ZER1: variants seen among roughly 807,000 people sequenced by gnomAD.
The protein encoded by ZER1 is protein zer-1 homolog.
A neutral mutation model predicts 78.8 loss-of-function variants in ZER1; 11 were observed. That is an observed-to-expected ratio of 0.14 (90% confidence interval 0.09 to 0.23). The LOEUF (loss-of-function observed/expected upper bound fraction) is 0.23. ZER1 is among the 10% of genes least tolerant of loss of function. The pLI, the probability that ZER1 is intolerant of heterozygous loss-of-function variation, is 1.00. For missense variants in ZER1, 588 were observed against 996.9 expected, an observed-to-expected ratio of 0.59 and a Z score of 5.52; for synonymous variants, 400 against 407.0, an observed-to-expected ratio of 0.98 and a Z score of 0.21.
rs192455887 is a variant in ZER1, at chr9:128,752,297, C to T, written c.923+376G>A. 5.1e-3 allele frequency among the ~76,000 whole-genome samples: 774 copies of T among 151,774 alleles called. 3 individuals are homozygous for T. The highest frequency in any genetic ancestry group is 7.9e-3 in the Non-Finnish European group (540 of 67,962). ...TTTATCTCTAGCACCCAGCACAGCA[C>T]TTGGCAGAGGGGTACTTGGCAAATA... On this transcript the variant is annotated intron_variant, in intron 5 of 15. Coordinates refer to ENST00000291900, the MANE Select transcript of ZER1 (RefSeq NM_006336.4).
rs1010850303 is a variant in ZER1 at position 128,740,949 on chromosome 9, T to C, written c.1738-62A>G. On this transcript the variant is annotated intron_variant, in intron 11 of 15. Coordinates refer to ENST00000291900, the MANE Select transcript of ZER1 (RefSeq NM_006336.4). This position sits in a 1 kb window ranked among gnomAD's most constrained non-coding sequence, Gnocchi z 4.4. ...TACTTAATGACTTAGTATCTGGTATTGTTAACCAAAAAGCTTCATGGGCAT... is the reference window on the plus strand; with the variant it reads ...TACTTAATGACTTAGTATCTGGTATCGTTAACCAAAAAGCTTCATGGGCAT... 9 of 758,696 alleles carry C rather than the reference T, an allele frequency of 1.2e-5. No homozygotes were observed. Among genetic ancestry groups the C allele is most frequent in the South Asian group, 2.7e-5 (2 of 72,914 alleles). 47.0% of individuals were successfully genotyped at this position (758,696 alleles called of 1,614,324 possible).
At chr9:128,771,010 A>G (rs1469187180) in intron 1 of ZER1, among the ~76,000 whole-genome samples, 1 of 152,164 alleles carries the variant, frequency 6.6e-6, no homozygotes, top group Non-Finnish European at 1.5e-5. Context: ...TCTCTATTTA[A>G]AGAAAAACAA....
chr9:128,741,790 CTT>C lies in ZER1; in HGVS notation c.1617+8_1617+9del, dbSNP rs1564395605. ...AAAGGGTAGCGTGGCTTCGTGAAGA[CTT>C]GACTTACTGTCTTGTCCAGCAGCTT... On this transcript the variant is annotated splice_region_variant and intron_variant, in intron 10 of 15. Transcript: ENST00000291900. The C allele has an allele frequency of 6.2e-7, 1 of 1,614,190 alleles. No homozygotes were observed. The highest frequency in any genetic ancestry group is 1.3e-5 in the African/African-American group (1 of 75,042).
chr9:128,751,154 C>T lies in ZER1; in HGVS notation c.1153G>A (p.Glu385Lys), dbSNP rs1363643242. The change falls in exon 7 of 16, where the codon GAG (glutamate) becomes AAG (lysine). Residue 385 changes from glutamate to lysine, a missense_variant. Around this residue, in one of 3 missense-constraint regions of ZER1, gnomAD observed 406 missense variants for 660.1 expected, o/e 0.62. Transcript: ENST00000291900. This position sits in a 1 kb window ranked among gnomAD's most constrained non-coding sequence, Gnocchi z 5.4. ...GCCCGCAGCAGCTGGTTGCAACGCT[C>T]GATGCGGGCGATGTCAAAAAGCAAG... ...INLLFDIARI[E>K]RCNQLLRALK... 4 of 1,601,376 alleles carry T rather than the reference C, an allele frequency of 2.5e-6. No individual in the cohort carries two copies. The highest frequency in any genetic ancestry group is 1.1e-5 in the South Asian group (1 of 90,202).
intron 8 of ZER1, among the ~76,000 whole-genome samples, chr9:128,746,629 A>AT (rs1332321127): frequency 2.0e-5 from 3 of 151,584 alleles, no homozygotes; most frequent in East Asian, 3.9e-4. Context: ...CACCCAGCTA[A>AT]TTAAAAAAAA....
At position 128,755,097 on chromosome 9, in the gene ZER1, A is replaced by C. The variant is rs140646784; in HGVS notation, c.158+311T>G. 3.3e-3 allele frequency among the ~76,000 whole-genome samples: 504 copies of C among 152,344 alleles called. 9 individuals are homozygous for C. The East Asian group carries it at 0.035, about 11-fold the overall frequency. ...TTTATATGCAGATTTTGACACAATC[A>C]CATCTCTAAATGCACACATGCAGTT... On this transcript the variant is annotated intron_variant, in intron 2 of 15. Coordinates refer to ENST00000291900, the MANE Select transcript of ZER1 (RefSeq NM_006336.4). This position sits in a 1 kb window ranked among gnomAD's most constrained non-coding sequence, Gnocchi z 5.6.
chr9:128,732,439 G>A lies in ZER1; in HGVS notation c.2243+987C>T, dbSNP rs1046555679. 2.6e-5 allele frequency among the ~76,000 whole-genome samples: 4 copies of A among 152,126 alleles called. No individual in the cohort carries two copies. Among genetic ancestry groups the A allele is most frequent in the Admixed American group, 6.5e-5 (1 of 15,278 alleles). ...GGCTGGAGTGCAGTGGCACCATCTC[G>A]GCTCACTGCAACCTCTGCCTCCTGG... is the stretch of plus-strand genomic sequence containing the variant. On this transcript the variant is annotated intron_variant, in intron 15 of 15. Coordinates refer to ENST00000291900, the MANE Select transcript of ZER1 (RefSeq NM_006336.4). The surrounding 1 kb of genome is among the most constrained non-coding windows in gnomAD (Gnocchi z 4.8).
chr9:128,734,170 T>TAAA (rs201959972), intron 14 of ZER1, among the ~76,000 whole-genome samples: 1 of 65,414 alleles, frequency 1.5e-5, no homozygotes, highest in Admixed American at 2.5e-4. Context: ...TATAAAATCT[T>TAAA]AAAAAAAATA....
At position 128,753,913 on chromosome 9, in the gene ZER1, T is replaced by G; in HGVS notation, c.205A>C (p.Ser69Arg). Residue 69 changes from serine to arginine, a missense_variant, in exon 3 of 16, where the codon AGC becomes CGC. Transcript: ENST00000291900. This position sits in a 1 kb window ranked among gnomAD's most constrained non-coding sequence, Gnocchi z 7.5. ...GGGTCCGAAAAGAGGCTGAAGAAGC[T>G]CTCGTGTGGCTCGAAGTTACAGGCA... is the stretch of plus-strand genomic sequence containing the variant. ...NAACNFEPHE[S>R]FFSLFSDPRS... The G allele has an allele frequency of 6.3e-7, 1 of 1,597,074 alleles. No individual in the cohort carries two copies. Among genetic ancestry groups the G allele is most frequent in the East Asian group, 2.3e-5 (1 of 43,920 alleles).
At chr9:128,765,293 C>T (rs555003219) in intron 1 of ZER1, among the ~76,000 whole-genome samples, 5 of 152,214 alleles carry the variant, frequency 3.3e-5, no homozygotes, top group East Asian at 3.9e-4. Flanking sequence ...TGTCTGACTT[C>T]GGTGCCCAAT....
intron 13 of ZER1, among the ~76,000 whole-genome samples, chr9:128,739,593 C>T (rs1365062354): frequency 6.6e-6 from 1 of 151,986 alleles, no homozygotes; most frequent in African/African-American, 2.4e-5. Context: ...TGGGCAAGAG[C>T]TACTGTGCCC....
At chr9:128,736,121 T>C (rs1019314534) in intron 13 of ZER1, among the ~76,000 whole-genome samples, 1 of 150,798 alleles carries the variant, frequency 6.6e-6, no homozygotes, top group Non-Finnish European at 1.5e-5. Context: ...GCTAATTTTT[T>C]TGTATTTTTT....
Position 128,755,258 on chromosome 9 carries a change from C to A in ZER1, c.158+150G>T. The A allele has an allele frequency of 8.4e-7, 1 of 1,185,332 alleles. No individual in the cohort carries two copies. Among genetic ancestry groups the A allele is most frequent in the Non-Finnish European group, 1.2e-6 (1 of 820,330 alleles). The allele number at this position is 1,185,332 out of a possible 1,614,324, so 73.4% of individuals were successfully genotyped here. ...ACGGTTATGGATACACCACTATTCT[C>A]TTGCAGCCATGAACATCCATGTGCA... is the stretch of plus-strand genomic sequence containing the variant. On this transcript the variant is annotated intron_variant, in intron 2 of 15. Coordinates refer to ENST00000291900, the MANE Select transcript of ZER1 (RefSeq NM_006336.4). This position sits in a 1 kb window ranked among gnomAD's most constrained non-coding sequence, Gnocchi z 5.6.
rs566926932 is a variant in ZER1 at position 128,760,445 on chromosome 9, G to A, written c.-94-4786C>T. On this transcript the variant is annotated intron_variant, in intron 1 of 15. Coordinates refer to ENST00000291900, the MANE Select transcript of ZER1 (RefSeq NM_006336.4). ...TCTCAATCTCCTGACCTTGTGATCCGCCTGCCTCGGCCTCCCAAAGTGCTG... is the reference window on the plus strand; with the variant it reads ...TCTCAATCTCCTGACCTTGTGATCCACCTGCCTCGGCCTCCCAAAGTGCTG... Among the ~76,000 whole-genome samples the A allele has an allele frequency of 3.2e-3, 478 of 151,162 alleles. 1 individual carries two copies. The highest frequency in any genetic ancestry group is 0.011 in the African/African-American group (443 of 41,204).
rs770876735 is a variant in ZER1, at chr9:128,732,516, C to T, written c.2243+910G>A. Among the ~76,000 whole-genome samples the T allele has an allele frequency of 3.9e-5, 6 of 152,130 alleles. No individual in the cohort carries two copies. The highest frequency in any genetic ancestry group is 7.2e-5 in the African/African-American group (3 of 41,440). On this transcript the variant is annotated intron_variant, in intron 15 of 15. Transcript: ENST00000291900. This position sits in a 1 kb window ranked among gnomAD's most constrained non-coding sequence, Gnocchi z 4.8. ...TCCCAAGTGGCTGGGATTACAGGCACGTACCACCACGCCGAGCTAATTTTT... is the reference window on the plus strand; with the variant it reads ...TCCCAAGTGGCTGGGATTACAGGCATGTACCACCACGCCGAGCTAATTTTT...
intron 8 of ZER1, 138 bp downstream of exon 8, chr9:128,750,476 CAA>C: frequency 2.0e-6 from 2 of 1,013,426 alleles, no homozygotes; most frequent in South Asian, 3.2e-5. Flanking sequence ...GGCCAGGTCC[CAA>C]GAGTCAGGGA....
At chr9:128,769,716 T>C (rs1234385904) in intron 1 of ZER1, among the ~76,000 whole-genome samples, 1 of 152,112 alleles carries the variant, frequency 6.6e-6, no homozygotes, top group African/African-American at 2.4e-5. Context: ...CCTGCTGTAT[T>C]TTCCAGATGA....
At chr9:128,734,140 A>ATATATATATAT (rs1428641240) in intron 14 of ZER1, among the ~76,000 whole-genome samples, 6 of 17,314 alleles carry the variant, frequency 3.5e-4, no homozygotes, top group African/African-American at 4.8e-4. Flanking sequence ...AAAAAAAAAA[A>ATATATATATAT]AAAAATATAT....
At chr9:128,770,402 T>C (rs923773910) in intron 1 of ZER1, among the ~76,000 whole-genome samples, 2 of 152,116 alleles carry the variant, frequency 1.3e-5, no homozygotes, top group Non-Finnish European at 2.9e-5. Flanking sequence ...AGTGCTGGGA[T>C]TACAAGCGTG....
Sources: gnomAD v4.1 joint callset for allele counts (sites outside exome capture counted in the v4.1 genomes callset) on GRCh38, gnomAD v4.1.1 for gene constraint, gnomAD v4.1.1 regional missense constraint, Gnocchi (gnomAD v3.1) non-coding constraint, MANE v1.5 for transcripts, NCBI Gene and HGNC (gene_info 2026-07-23, HGNC 2026-07-21) for gene names.